NCEH1: variants seen among roughly 807,000 people sequenced by gnomAD.
NCEH1 encodes the protein 2-acetyl MAGE hydrolase.
NCEH1 carries 9 observed loss-of-function variants against 25.4 expected under a neutral mutation model. The observed-to-expected ratio is 0.35, with a 90% CI of 0.21 to 0.62. The LOEUF (loss-of-function observed/expected upper bound fraction) is 0.62. Ranked by LOEUF, NCEH1 falls within the 20% of genes least tolerant of loss-of-function variation. NCEH1 has a pLI of 0.72. For missense variants in NCEH1, 412 were observed against 501.1 expected, an observed-to-expected ratio of 0.82 and a Z score of 1.70; for synonymous variants, 200 against 199.8, an observed-to-expected ratio of 1.00 and a Z score of -0.01.
intron 1 of NCEH1, among the ~76,000 whole-genome samples, chr3:172,685,213 G>C (rs940442959): frequency 1.3e-5 from 2 of 151,860 alleles, no homozygotes; most frequent in Non-Finnish European, 2.9e-5. Flanking sequence ...AGGATGGCTT[G>C]AGCCTGGGAG....
At chr3:172,650,240 T>C (rs1432015844) in intron 1 of NCEH1, among the ~76,000 whole-genome samples, 1 of 152,154 alleles carries the variant, frequency 6.6e-6, no homozygotes, top group African/African-American at 2.4e-5. Flanking sequence ...CAGTGGCTCA[T>C]GCCTATAATC....
intron 1 of NCEH1, among the ~76,000 whole-genome samples, chr3:172,689,905 A>T (rs1285641922): frequency 1.6e-4 from 23 of 139,536 alleles, no homozygotes; most frequent in Non-Finnish European, 6.3e-5. Flanking sequence ...TATTTTATTT[A>T]TTTATTTTTT....
At chr3:172,637,757 T>TG (rs1414059956) in intron 3 of NCEH1, among the ~76,000 whole-genome samples, 1 of 152,124 alleles carries the variant, frequency 6.6e-6, no homozygotes, top group Non-Finnish European at 1.5e-5. Flanking sequence ...GGCACGGTCG[T>TG]GGGCGCCTGT....
rs535680568 is a variant in NCEH1, at chr3:172,645,732, A to G, written c.368-40T>C. 1.9e-5 allele frequency: 24 copies of G among 1,240,296 alleles called. No individual in the cohort carries two copies. In the East Asian group the frequency reaches 4.2e-4, roughly 22 times the overall value. The allele number at this position is 1,240,296 out of a possible 1,614,324, so 76.8% of individuals were successfully genotyped here. Reference sequence around the variant, plus strand: ...GGGAACAATCATTACAAAACAGGTCATTTAATACTGTCCACTCATAAATTC... The same window carrying G: ...GGGAACAATCATTACAAAACAGGTCGTTTAATACTGTCCACTCATAAATTC... On this transcript the variant is annotated intron_variant, in intron 2 of 4. Coordinates refer to ENST00000475381, the MANE Select transcript of NCEH1 (RefSeq NM_020792.6).
intron 1 of NCEH1, among the ~76,000 whole-genome samples, chr3:172,699,222 G>A (rs1248931339): frequency 6.6e-6 from 1 of 152,152 alleles, no homozygotes; most frequent in Admixed American, 6.6e-5. Context: ...AAAGTAAAAG[G>A]GTGGGAGGGC....
chr3:172,692,552 A>G (rs1576775468), intron 1 of NCEH1, among the ~76,000 whole-genome samples: 2 of 151,054 alleles, frequency 1.3e-5, no homozygotes. Flanking sequence ...TTTTGTAGAG[A>G]TGGGGTTGCA....
intron 1 of NCEH1, among the ~76,000 whole-genome samples, chr3:172,689,896 A>T (rs1194102549): frequency 6.8e-6 from 1 of 146,688 alleles, no homozygotes; most frequent in African/African-American, 2.5e-5. Flanking sequence ...ATTTTTTATT[A>T]TTTTATTTAT....
intron 3 of NCEH1, among the ~76,000 whole-genome samples, chr3:172,643,443 G>A (rs981571795): frequency 6.6e-6 from 1 of 152,120 alleles, no homozygotes; most frequent in Non-Finnish European, 1.5e-5. Flanking sequence ...CCTGCTTGAG[G>A]TCACACAGTC....
chr3:172,646,189 A>G (rs964107957), intron 2 of NCEH1, among the ~76,000 whole-genome samples: 1 of 152,058 alleles, frequency 6.6e-6, no homozygotes, highest in Non-Finnish European at 1.5e-5. Context: ...CTGCCTCTAT[A>G]AAAAAATTTT....
chr3:172,681,908 C>CAA (rs10711610), intron 1 of NCEH1, among the ~76,000 whole-genome samples: 1,886 of 143,766 alleles, frequency 0.013, 35 homozygotes, highest in African/African-American at 0.044. Context: ...GAGACTGTCT[C>CAA]AAAAAAAAAA....
intron 1 of NCEH1, among the ~76,000 whole-genome samples, chr3:172,650,485 T>C (rs914444057): frequency 2.5e-5 from 3 of 117,882 alleles, no homozygotes; most frequent in Admixed American, 1.7e-4. Flanking sequence ...CTACTAAAAA[T>C]ACAAAAAAAA....
intron 1 of NCEH1, among the ~76,000 whole-genome samples, chr3:172,677,796 T>C (rs1023643768): frequency 6.6e-6 from 1 of 150,378 alleles, no homozygotes; most frequent in African/African-American, 2.4e-5. Context: ...GGCGTGGTGG[T>C]GGGCACCTGT....
intron 1 of NCEH1, among the ~76,000 whole-genome samples, 196 bp downstream of exon 1, chr3:172,710,651 G>A (rs372422027): frequency 1.3e-5 from 2 of 152,340 alleles, no homozygotes; most frequent in African/African-American, 4.8e-5. Flanking sequence ...ACGGGGAAAT[G>A]CAGATCTAGC....
At position 172,683,614 on chromosome 3, in the gene NCEH1, G is replaced by A. The variant is rs372368096; in HGVS notation, c.138+27233C>T. Among the ~76,000 whole-genome samples the A allele has an allele frequency of 5.1e-4, 78 of 152,254 alleles. 1 individual carries two copies. In the South Asian group the frequency reaches 0.016, roughly 31 times the overall value. ...GGATTGCTTGAGACTGGAGGTTGAA[G>A]TTATAGTGAGCCGTAATCACGCCAC... On this transcript the variant is annotated intron_variant, in intron 1 of 4. Coordinates refer to ENST00000475381, the MANE Select transcript of NCEH1 (RefSeq NM_020792.6).
intron 1 of NCEH1, among the ~76,000 whole-genome samples, chr3:172,652,449 T>G (rs996286017): frequency 2.6e-5 from 4 of 152,174 alleles, no homozygotes; most frequent in African/African-American, 9.7e-5. Context: ...GGTGGAACAG[T>G]GATGTGGGCT....
chr3:172,677,127 C>T (rs1712049414), intron 1 of NCEH1, among the ~76,000 whole-genome samples: 1 of 152,222 alleles, frequency 6.6e-6, no homozygotes, highest in Non-Finnish European at 1.5e-5. Flanking sequence ...AACAAAACCT[C>T]CCATATTCCC....
chr3:172,680,179 T>C (rs1712260604), intron 1 of NCEH1, among the ~76,000 whole-genome samples: 1 of 152,160 alleles, frequency 6.6e-6, no homozygotes, highest in African/African-American at 2.4e-5. Context: ...ATTAAAGGTG[T>C]GAAATAGACT....
At chr3:172,658,123 G>C (rs935270595) in intron 1 of NCEH1, among the ~76,000 whole-genome samples, 2 of 152,128 alleles carry the variant, frequency 1.3e-5, no homozygotes, top group African/African-American at 4.8e-5. Flanking sequence ...TAAAGTAGCC[G>C]GATAAAACCC....
intron 1 of NCEH1, among the ~76,000 whole-genome samples, chr3:172,649,681 A>T (rs1399155345): frequency 6.6e-6 from 1 of 152,272 alleles, no homozygotes; most frequent in Non-Finnish European, 1.5e-5. Context: ...GAGATCTGCC[A>T]GGGAATAGCT....
Sources: allele counts gnomAD v4.1 joint callset (sites outside exome capture counted in the v4.1 genomes callset), GRCh38; gene constraint gnomAD v4.1.1; transcripts MANE v1.5; gene names NCBI Gene and HGNC (gene_info 2026-07-23, HGNC 2026-07-21).